NOL12: variants seen among roughly 807,000 people sequenced by gnomAD.
NOL12 encodes nucleolar protein 12.
Under a neutral mutation model 25.2 loss-of-function variants are expected in NOL12, and 21 were observed. The ratio of observed to expected loss-of-function variants is 0.83; its 90% CI spans 0.59 to 1.20. The LOEUF is 1.20. Among genes scored for constraint, NOL12 ranks in the 50% most tolerant of loss-of-function variants. The pLI is 0.00. For synonymous variants in NOL12, 133 were observed against 113.8 expected (o/e 1.17, Z -1.08); for missense variants, 286 against 287.6 (o/e 0.99, Z 0.04).
chr22:37,691,347 G>A lies in NOL12; in HGVS notation c.*11G>A, dbSNP rs1268692637. The A allele has an allele frequency of 7.5e-6, 12 of 1,598,334 alleles. No individual in the cohort carries two copies. The highest frequency in any genetic ancestry group is 1.7e-5 in the Admixed American group (1 of 58,116). ...CACAGCGGGGAGTGAGACCGAGAACGAAGCGGTGCCCCAGTCTAGGCTGCG... is the reference window on the plus strand; with the variant it reads ...CACAGCGGGGAGTGAGACCGAGAACAAAGCGGTGCCCCAGTCTAGGCTGCG... On this transcript the variant is annotated 3_prime_UTR_variant, in exon 6 of 6. Coordinates refer to ENST00000359114, the MANE Select transcript of NOL12 (RefSeq NM_024313.3).
chr22:37,687,588 G>A (rs1921877387), intron 1 of NOL12, among the ~76,000 whole-genome samples: 1 of 152,202 alleles, frequency 6.6e-6, no homozygotes, highest in Non-Finnish European at 1.5e-5. Flanking sequence ...CTCCCAAGTA[G>A]CTGGGACTGC....
At chr22:37,687,691 C>T (rs967396121) in intron 1 of NOL12, 2 of 408,830 alleles carry the variant, frequency 4.9e-6, no homozygotes, top group Non-Finnish European at 9.2e-6. Context: ...CTCCTGGCGT[C>T]ATGTGATCTT....
At position 37,688,502 on chromosome 22, in the gene NOL12, C is replaced by T. The variant is rs1057215531; in HGVS notation, c.238+142C>T. 49 of 819,674 alleles carry T rather than the reference C, an allele frequency of 6.0e-5. No homozygotes were observed. The Admixed American group carries it at 7.5e-4, about 13-fold the overall frequency. 50.8% of individuals were successfully genotyped at this position (819,674 alleles called of 1,614,324 possible). A position where few individuals can be genotyped will look rare whatever the true frequency, so the allele number is the denominator to read the frequency against. ...TGGGGCCAGGGGTGGTCCTAAGCAC[C>T]TCTAAGTGCAAGTGGAACAGAGACC... On this transcript the variant is annotated intron_variant, in intron 3 of 5. Coordinates refer to ENST00000359114, the MANE Select transcript of NOL12 (RefSeq NM_024313.3).
At chr22:37,688,104 G>A in intron 2 of NOL12, 89 bp downstream of exon 2, 2 of 1,239,986 alleles carry the variant, frequency 1.6e-6, no homozygotes, top group Non-Finnish European at 2.3e-6. Flanking sequence ...TGCTGGCATG[G>A]GGCGATGTGT....
rs1224639477 is a variant in NOL12 at position 37,691,354 on chromosome 22, T to C, written c.*18T>C. 6.3e-7 allele frequency: 1 copy of C among 1,593,342 alleles called. No homozygotes were observed. Among genetic ancestry groups the C allele is most frequent in the Admixed American group, 1.7e-5 (1 of 57,676 alleles). The stretch of plus-strand genomic sequence containing the variant: ...GGGAGTGAGACCGAGAACGAAGCGG[T>C]GCCCCAGTCTAGGCTGCGGGGACCT... On this transcript the variant is annotated 3_prime_UTR_variant, in exon 6 of 6. Coordinates refer to ENST00000359114, the MANE Select transcript of NOL12 (RefSeq NM_024313.3).
chr22:37,688,544 A>G (rs1004922202), intron 3 of NOL12, among the ~76,000 whole-genome samples, 184 bp downstream of exon 3: 6 of 152,168 alleles, frequency 3.9e-5, no homozygotes, highest in African/African-American at 9.7e-5. Context: ...AGGAGTCCCA[A>G]ACCCCATGGT....
At chr22:37,688,104 G>C in intron 2 of NOL12, 89 bp downstream of exon 2, 1 of 1,239,986 alleles carries the variant, frequency 8.1e-7, no homozygotes, top group Non-Finnish European at 1.2e-6. Context: ...TGCTGGCATG[G>C]GGCGATGTGT....
intron 3 of NOL12, among the ~76,000 whole-genome samples, chr22:37,688,626 T>C (rs995408375): frequency 2.0e-5 from 3 of 152,130 alleles, no homozygotes; most frequent in Admixed American, 6.5e-5. Flanking sequence ...GGGACAGCAG[T>C]AGCTGTCACA....
rs540771226 is a variant in NOL12 at position 37,687,972 on chromosome 22, T to C, written c.146T>C (p.Ile49Thr). 2.5e-6 allele frequency: 4 copies of C among 1,590,024 alleles called. No individual in the cohort carries two copies. In the Admixed American group the frequency reaches 7.1e-5, roughly 28 times the overall value. ...CGAAAGAAGGCAGCCATTGAGGAGA[T>C]TAAGCAGCGGCTGAAAGAGGAGCAG... ...VERKKAAIEE[I>T]KQRLKEEQRK... The change falls in exon 2 of 6, where the codon ATT becomes ACT. Residue 49 changes from isoleucine (I) to threonine (T), a missense_variant. Ile to Thr is a moderately conservative substitution (Grantham distance 89). Transcript: ENST00000359114.
chr22:37,687,793 T>C, intron 1 of NOL12, 117 bp from the exon 2 acceptor site: 2 of 714,510 alleles, frequency 2.8e-6, no homozygotes, highest in South Asian at 3.4e-5. Context: ...ATACTTACAC[T>C]TTTTTGGAAT....
chr22:37,688,772 C>T, intron 3 of NOL12, 78 bp from the exon 4 acceptor site: 2 of 1,486,000 alleles, frequency 1.3e-6, no homozygotes, highest in Non-Finnish European at 1.9e-6. Context: ...GGGGGCACTG[C>T]ACTCCAGGGC....
In NOL12 at chr22:37,691,275, C is replaced by G; in HGVS notation, c.581C>G (p.Pro194Arg). 2 of 1,614,052 alleles carry G rather than the reference C, an allele frequency of 1.2e-6. No homozygotes were observed. The highest frequency in any genetic ancestry group is 1.7e-6 in the Non-Finnish European group (2 of 1,179,978). The change falls in exon 6 of 6, where the codon CCT (proline) becomes CGT (arginine). Residue 194 changes from proline (P) to arginine (R), a missense_variant. Physicochemically the swap from Pro to Arg is moderately radical, Grantham distance 103. Transcript: ENST00000359114. ...GACTCCAAAAAGCCCCCAAGGGCCC[C>G]TCGTACCAGCAAGGCCCAGCGCCGC... The part of the protein sequence containing the change: ...AQDSKKPPRA[P>R]RTSKAQRRRL...
At chr22:37,689,849 T>G (rs1382601255) in intron 4 of NOL12, among the ~76,000 whole-genome samples, 1 of 151,104 alleles carries the variant, frequency 6.6e-6, no homozygotes, top group Non-Finnish European at 1.5e-5. Flanking sequence ...GCCAACATGG[T>G]GAAACCCCGT....
chr22:37,689,544 A>T (rs6000862), intron 4 of NOL12, among the ~76,000 whole-genome samples: 12,876 of 152,254 alleles, frequency 0.085, 1,672 homozygotes, highest in African/African-American at 0.28. Flanking sequence ...ATAAAAAAAA[A>T]ATATAATTGA....
rs1922051677 is a variant in NOL12, at chr22:37,691,232, C to T, written c.538C>T (p.His180Tyr). Residue 180 changes from histidine to tyrosine, a missense_variant, in exon 6 of 6, where the codon CAT becomes TAT. His to Tyr is a moderately conservative substitution (Grantham distance 83, BLOSUM62 2). Coordinates refer to ENST00000359114, the MANE Select transcript of NOL12 (RefSeq NM_024313.3). ...CAGCCGCAAAAAGGTCAAGAGGAAA[C>T]ATCCCCGACGGGCCCAGGACTCCAA... ...AHSRKKVKRK[H>Y]PRRAQDSKKP... The T allele has an allele frequency of 1.2e-6, 2 of 1,613,994 alleles. No individual in the cohort carries two copies. Among genetic ancestry groups the T allele is most frequent in the African/African-American group, 1.3e-5 (1 of 74,944 alleles).
intron 4 of NOL12, 82 bp from the exon 5 acceptor site, chr22:37,690,615 C>G: frequency 6.0e-6 from 6 of 994,440 alleles, no homozygotes; most frequent in Non-Finnish European, 9.3e-6. Flanking sequence ...CACCACTTGC[C>G]AGAGCCATGG....
At position 37,687,934 on chromosome 22, in the gene NOL12, GC is replaced by G; in HGVS notation, c.109del (p.Arg37GlyfsTer17). 6.3e-7 allele frequency: 1 copy of G among 1,581,988 alleles called. No homozygotes were observed. The highest frequency in any genetic ancestry group is 8.6e-7 in the Non-Finnish European group (1 of 1,164,262). ...RREYLTGFHK[R>X]KVERKKAAIE... ...GGGAGTACCTGACAGGCTTCCACAAGCGGAAGGTCGAGCGAAAGAAGGCAGC... is the reference window on the plus strand; with the variant it reads ...GGGAGTACCTGACAGGCTTCCACAAGGGAAGGTCGAGCGAAAGAAGGCAGC... On this transcript the variant is annotated frameshift_variant, in exon 2 of 6. Coordinates refer to ENST00000359114, the MANE Select transcript of NOL12 (RefSeq NM_024313.3). LOFTEE classifies it high-confidence loss of function.
At chr22:37,687,694 G>T in intron 1 of NOL12, 1 of 413,872 alleles carries the variant, frequency 2.4e-6, no homozygotes. Context: ...CTGGCGTCAT[G>T]TGATCTTCCC....
At chr22:37,687,147 T>TG in intron 1 of NOL12, 1 of 953,440 alleles carries the variant, frequency 1.0e-6, no homozygotes, top group Non-Finnish European at 1.2e-6. Flanking sequence ...ACATGGGTGT[T>TG]GGTCCAGTGC....
Sources: gnomAD v4.1 joint callset for allele counts (sites outside exome capture counted in the v4.1 genomes callset) on GRCh38, gnomAD v4.1.1 for gene constraint, MANE v1.5 for transcripts, NCBI Gene and HGNC (gene_info 2026-07-23, HGNC 2026-07-21) for gene names.